Variants in ST6GAL1 observed in about 807,000 individuals in gnomAD.
ST6GAL1 encodes beta-galactoside alpha-2,6-sialyltransferase 1.
A neutral mutation model predicts 38.0 loss-of-function variants in ST6GAL1; 20 were observed. The observed-to-expected ratio is 0.53, with a 90% confidence interval of 0.37 to 0.77. ST6GAL1 has a LOEUF of 0.77. Ranked by LOEUF, ST6GAL1 falls within the 30% of genes least tolerant of loss-of-function variation. The pLI is 0.00. For missense variants in ST6GAL1, 432 were observed against 496.4 expected (o/e 0.87, Z 1.23); for synonymous variants, 196 against 188.2 (o/e 1.04, Z -0.34).
At chr3:186,981,558 C>G (rs1715700263) in intron 2 of ST6GAL1, among the ~76,000 whole-genome samples, 1 of 152,148 alleles carries the variant, frequency 6.6e-6, no homozygotes. Context: ...GTCATGCCAC[C>G]AATACACTAA....
At chr3:187,069,170 C>T (rs1719276987) in intron 5 of ST6GAL1, among the ~76,000 whole-genome samples, 1 of 151,268 alleles carries the variant, frequency 6.6e-6, no homozygotes, top group Non-Finnish European at 1.5e-5. Context: ...GAGTCTCGCT[C>T]TGTCGCCAGG....
intron 2 of ST6GAL1, among the ~76,000 whole-genome samples, chr3:186,971,390 G>A (rs1370482564): frequency 6.6e-6 from 1 of 152,176 alleles, no homozygotes; most frequent in Non-Finnish European, 1.5e-5. Flanking sequence ...GAGCCACTGT[G>A]CCCCCCCAAC....
At chr3:186,955,988 G>A (rs534943309) in intron 1 of ST6GAL1, among the ~76,000 whole-genome samples, 11 of 152,102 alleles carry the variant, frequency 7.2e-5, no homozygotes, top group South Asian at 2.1e-4. Flanking sequence ...TTTTTGAGGC[G>A]CAGAGAGGTT....
intron 1 of ST6GAL1, among the ~76,000 whole-genome samples, chr3:186,950,074 C>T (rs1714525117): frequency 6.6e-6 from 1 of 152,118 alleles, no homozygotes; most frequent in African/African-American, 2.4e-5. Context: ...GAGAGCCAGG[C>T]CTGTGGAAGG....
chr3:186,977,724 T>A (rs1044551873), intron 2 of ST6GAL1, among the ~76,000 whole-genome samples: 1 of 152,168 alleles, frequency 6.6e-6, no homozygotes, highest in Non-Finnish European at 1.5e-5. Flanking sequence ...TTTGAAGATC[T>A]TTTAGCCTGA....
At chr3:186,959,264 C>T (rs1714852167) in intron 1 of ST6GAL1, among the ~76,000 whole-genome samples, 3 of 152,156 alleles carry the variant, frequency 2.0e-5, no homozygotes, top group Admixed American at 2.0e-4. Flanking sequence ...TACTTAGTTT[C>T]AGCTCTTTGC....
intron 1 of ST6GAL1, among the ~76,000 whole-genome samples, chr3:186,946,836 C>G (rs555961332): frequency 6.6e-6 from 1 of 152,100 alleles, no homozygotes; most frequent in South Asian, 2.1e-4. Flanking sequence ...AACGGAGATA[C>G]AGATGGATGA....
At chr3:186,947,779 G>A (rs943496492) in intron 1 of ST6GAL1, among the ~76,000 whole-genome samples, 1 of 152,176 alleles carries the variant, frequency 6.6e-6, no homozygotes, top group Admixed American at 6.5e-5. Context: ...TAGTTTTTAT[G>A]TTCAAATTAG....
chr3:187,066,666 G>A (rs1719152024), intron 5 of ST6GAL1, among the ~76,000 whole-genome samples: 1 of 151,996 alleles, frequency 6.6e-6, no homozygotes, highest in African/African-American at 2.4e-5. Flanking sequence ...TCCCCAGTGA[G>A]TATTTGTTAC....
At chr3:186,957,534 A>G (rs540019999) in intron 1 of ST6GAL1, among the ~76,000 whole-genome samples, 2 of 152,302 alleles carry the variant, frequency 1.3e-5, no homozygotes, top group South Asian at 4.1e-4. Flanking sequence ...AAGAGAATAG[A>G]GACAATGAAA....
In ST6GAL1 at chr3:187,008,851, T is replaced by G. The variant is rs75570981; in HGVS notation, c.-182-29891T>G. On this transcript the variant is annotated intron_variant, in intron 2 of 7. Coordinates refer to ENST00000169298, the MANE Select transcript of ST6GAL1 (RefSeq NM_173216.2). ...AATATGCGTTTCTCTTTTTCTTTTT[T>G]GGTTTTTCTCTCTCTGTCTCTTCCT... Among the ~76,000 whole-genome samples the G allele has an allele frequency of 1.6e-3, 251 of 152,306 alleles. 1 individual carries two copies. The highest frequency in any genetic ancestry group is 3.1e-3 in the Non-Finnish European group (209 of 68,026).
intron 4 of ST6GAL1, among the ~76,000 whole-genome samples, chr3:187,047,433 C>T (rs1038168700): frequency 6.6e-6 from 1 of 152,130 alleles, no homozygotes. Flanking sequence ...GAGTTAACTA[C>T]ACCTAGAGGC....
chr3:186,937,661 G>A (rs940640101), intron 1 of ST6GAL1, among the ~76,000 whole-genome samples: 1 of 152,288 alleles, frequency 6.6e-6, no homozygotes, highest in East Asian at 1.9e-4. Flanking sequence ...GATGCCGTGC[G>A]ACCTTGAGGA....
intron 2 of ST6GAL1, among the ~76,000 whole-genome samples, chr3:187,033,335 C>G (rs1430244470): frequency 6.6e-6 from 1 of 152,106 alleles, no homozygotes; most frequent in Non-Finnish European, 1.5e-5. Context: ...ATCTCATGAA[C>G]CTCGGGGGTG....
In ST6GAL1 at chr3:187,076,976, G is replaced by T. The variant is rs1430192942; in HGVS notation, c.*1173G>T. 1.9e-5 allele frequency: 7 copies of T among 376,762 alleles called. No homozygotes were observed. The highest frequency in any genetic ancestry group is 2.8e-5 in the Non-Finnish European group (6 of 212,990). 23.3% of individuals were successfully genotyped at this position (376,762 alleles called of 1,614,324 possible). A position where few individuals can be genotyped will look rare whatever the true frequency, so the allele number is the denominator to read the frequency against. On this transcript the variant is annotated 3_prime_UTR_variant, in exon 8 of 8. Transcript: ENST00000169298. ...CCAAATCTTCTCCTAACCACCATCT[G>T]TTTTTTTTTTTTAAAGCATTTTTTG...
intron 2 of ST6GAL1, among the ~76,000 whole-genome samples, chr3:187,006,945 GGAGTTTTGAAACATGGAT>G (rs1322901711): frequency 2.0e-5 from 3 of 152,212 alleles, no homozygotes; most frequent in Non-Finnish European, 4.4e-5. Context: ...GTATTTTAGT[GGAGTTTTGAAACATGGAT>G]GAGAAGTAAA....
rs149151097 is a variant in ST6GAL1, at chr3:186,967,323, C to T, written c.-183+3397C>T. ...TCTCCTACTTCAGCCTCCCAAGTAG[C>T]TGAGATTACAGGCGCCTGCCACCAC... On this transcript the variant is annotated intron_variant, in intron 2 of 7. Coordinates refer to ENST00000169298, the MANE Select transcript of ST6GAL1 (RefSeq NM_173216.2). Among the ~76,000 whole-genome samples the T allele has an allele frequency of 2.5e-3, 375 of 152,334 alleles. 1 individual carries two copies. Among genetic ancestry groups the T allele is most frequent in the African/African-American group, 8.6e-3 (358 of 41,574 alleles).
intron 2 of ST6GAL1, among the ~76,000 whole-genome samples, chr3:187,028,132 G>A (rs1717610261): frequency 6.6e-6 from 1 of 152,164 alleles, no homozygotes; most frequent in Admixed American, 6.5e-5. Context: ...ACTATGGACT[G>A]TCTTTCAAGG....
chr3:186,942,281 A>G (rs1372171294), intron 1 of ST6GAL1: 1 of 151,942 alleles, frequency 6.6e-6, no homozygotes, highest in Non-Finnish European at 1.5e-5. Flanking sequence ...GATCTTGGCA[A>G]CTCTCTCCCT....
Sources: gnomAD v4.1 joint callset for allele counts (sites outside exome capture counted in the v4.1 genomes callset) on GRCh38, gnomAD v4.1.1 for gene constraint, MANE v1.5 for transcripts, NCBI Gene and HGNC (gene_info 2026-07-23, HGNC 2026-07-21) for gene names.